Variants in SURF1 observed in about 807,000 individuals in gnomAD.
SURF1 encodes surfeit locus protein 1.
SURF1 carries 45 observed loss-of-function variants against 34.1 expected under a neutral mutation model. That is an observed-to-expected ratio of 1.32 (90% CI 1.04 to 1.69). The LOEUF is 1.69. Ranked by LOEUF, SURF1 falls within the 40% of genes most tolerant of loss-of-function variation. The pLI is 0.00. For synonymous variants in SURF1, 188 were observed against 147.5 expected (o/e 1.27, Z -1.99); for missense variants, 456 against 384.6 (o/e 1.19, Z -1.55).
Position 133,354,667 on chromosome 9 carries a change from C to T in SURF1, c.315G>A (p.Leu105=). The T allele has an allele frequency of 6.2e-7, 1 of 1,610,994 alleles. No homozygotes were observed. Among genetic ancestry groups the T allele is most frequent in the Non-Finnish European group, 8.5e-7 (1 of 1,178,222 alleles). ...ESRVLAEPVP[L]PADPMELKNL... ...GGCAGCCATGCACTCACTCGGCTGG[C>T]AGAGGGACAGGCTCAGCCAGAACTC... The change falls in exon 4 of 9, where the codon CTG becomes CTA. Residue 105 remains leucine (L), a synonymous_variant. Coordinates refer to ENST00000371974, the MANE Select transcript of SURF1 (RefSeq NM_003172.4).
In SURF1 at chr9:133,352,452, T is replaced by C. The variant is rs2130007008; in HGVS notation, c.745A>G (p.Asn249Asp). 471 of 1,614,228 alleles carry C rather than the reference T, an allele frequency of 2.9e-4. 1 individual carries two copies. The highest frequency in any genetic ancestry group is 1.8e-3 in the South Asian group (168 of 91,090). ...TGAEPIFIDA[N>D]FQSTVPGGPI... ...GGGCTGGTCCACAACGTACGGAAGTTGGCATCAATGAAGATGGGCTCTGCG... is the reference window on the plus strand; with the variant it reads ...GGGCTGGTCCACAACGTACGGAAGTCGGCATCAATGAAGATGGGCTCTGCG... Residue 249 changes from asparagine to aspartate, a missense_variant, in exon 7 of 9, where the codon AAC becomes GAC. By Grantham distance (23) the Asn-to-Asp change is conservative (BLOSUM62 1). Coordinates refer to ENST00000371974, the MANE Select transcript of SURF1 (RefSeq NM_003172.4).
At position 133,351,898 on chromosome 9, in the gene SURF1, T is replaced by C. The variant is rs1471918034; in HGVS notation, c.*15A>G. The C allele has an allele frequency of 6.2e-7, 1 of 1,612,474 alleles. No individual in the cohort carries two copies. ...TACTGCATTATCCAGGGACAGGGCT[T>C]CAGCAGCTGATCTGTCACACACCAG... On this transcript the variant is annotated 3_prime_UTR_variant, in exon 9 of 9. Coordinates refer to ENST00000371974, the MANE Select transcript of SURF1 (RefSeq NM_003172.4).
intron 7 of SURF1, 26 bp downstream of exon 7, chr9:133,352,420 C>T (rs1836448528): frequency 1.2e-6 from 2 of 1,614,146 alleles, no homozygotes; most frequent in Non-Finnish European, 8.5e-7. Flanking sequence ...GCTACTTGTT[C>T]CGAGATGGGC....
Position 133,356,430 on chromosome 9 carries a change from C to A in SURF1, c.24G>T (p.Gln8His). 7.1e-7 allele frequency: 1 copy of A among 1,410,354 alleles called. No individual in the cohort carries two copies. The highest frequency in any genetic ancestry group is 1.5e-5 in the South Asian group (1 of 67,640). 87.4% of individuals were successfully genotyped at this position (1,410,354 alleles called of 1,614,324 possible). The change falls in exon 1 of 9, where the codon CAG becomes CAT. Residue 8 changes from glutamine (Q) to histidine (H), a missense_variant. By Grantham distance (24) the Gln-to-His change is conservative. Coordinates refer to ENST00000371974, the MANE Select transcript of SURF1 (RefSeq NM_003172.4). ...CCAGCCCCGCCGCCCGCAGCCCCAG[C>A]TGCAACGCAGCCACCGCCGCCATCG... Reference protein sequence around the residue: MAAVAALQLGLRAAGLGR... With the variant: MAAVAALHLGLRAAGLGR...
intron 4 of SURF1, 97 bp downstream of exon 4, chr9:133,354,562 A>C: frequency 6.9e-7 from 1 of 1,445,894 alleles, no homozygotes. Flanking sequence ...GCAGTGACTA[A>C]AAGTCCCACC....
chr9:133,352,295 C>G, intron 7 of SURF1, 151 bp downstream of exon 7: 1 of 1,424,532 alleles, frequency 7.0e-7, no homozygotes, highest in Non-Finnish European at 9.7e-7. Flanking sequence ...CAGTACTTGC[C>G]TAGGTTCTTT....
rs1241785449 is a variant in SURF1, at chr9:133,355,051, A to G, written c.107-94T>C. On this transcript the variant is annotated intron_variant, in intron 2 of 8. Coordinates refer to ENST00000371974, the MANE Select transcript of SURF1 (RefSeq NM_003172.4). ...AAGACAGACTCCAGTACTGCCAATC[A>G]AAACCTGCTGCCTAGAGCCAACTAG... is the stretch of plus-strand genomic sequence containing the variant. 2.6e-6 allele frequency: 4 copies of G among 1,562,978 alleles called. No homozygotes were observed. In the East Asian group the frequency reaches 6.7e-5, roughly 26 times the overall value.
At chr9:133,353,445 T>C (rs1205179688) in intron 5 of SURF1, among the ~76,000 whole-genome samples, 1 of 152,198 alleles carries the variant, frequency 6.6e-6, no homozygotes, top group Non-Finnish European at 1.5e-5. Flanking sequence ...CCCTCATAGC[T>C]TGCCATCATC....
Position 133,352,694 on chromosome 9 carries a change from C to T in SURF1, c.588G>A (p.Gln196=), listed in dbSNP as rs989408796. 7.4e-6 allele frequency: 12 copies of T among 1,613,658 alleles called. No individual in the cohort carries two copies. Among genetic ancestry groups the T allele is most frequent in the Non-Finnish European group, 8.5e-6 (10 of 1,179,864 alleles). Residue 196 remains glutamine, a splice_region_variant and synonymous_variant, in exon 6 of 9, where the codon CAG becomes CAA. Coordinates refer to ENST00000371974, the MANE Select transcript of SURF1 (RefSeq NM_003172.4). ...AGTAGGAAGAGTCCATGTCCCTTAC[C>T]TGGCCTTTCTGCCGGGTTTCAGGAT... is the stretch of plus-strand genomic sequence containing the variant. The part of the protein sequence containing the change: ...KVNPETRQKG[Q]IEGEVDLIGM...
In SURF1 at chr9:133,356,402, G is replaced by A. The variant is rs1198253408; in HGVS notation, c.52C>T (p.Arg18Trp). Residue 18 changes from arginine to tryptophan, a missense_variant and splice_region_variant, in exon 1 of 9, where the codon CGG becomes TGG. Physicochemically the swap from Arg to Trp is moderately radical, Grantham distance 101. Coordinates refer to ENST00000371974, the MANE Select transcript of SURF1 (RefSeq NM_003172.4). ...CGCACCCCGCACCCGGCGCTCACCC[G>A]TCCCAGCCCCGCCGCCCGCAGCCCC... ...QLGLRAAGLG[R>W]APASAAWRSV... 4.9e-6 allele frequency: 3 copies of A among 618,344 alleles called. No homozygotes were observed. Among genetic ancestry groups the A allele is most frequent in the African/African-American group, 5.0e-5 (2 of 40,120 alleles). 38.3% of individuals were successfully genotyped at this position (618,344 alleles called of 1,614,324 possible).
intron 2 of SURF1, among the ~76,000 whole-genome samples, chr9:133,355,423 T>A (rs752083133): frequency 6.6e-6 from 1 of 151,924 alleles, no homozygotes; most frequent in Non-Finnish European, 1.5e-5. Flanking sequence ...TACAAAAAAA[T>A]GCAAAAATTA....
At position 133,356,019 on chromosome 9, in the gene SURF1, T is replaced by C. The variant is rs111324588; in HGVS notation, c.106+250A>G. 6.3e-3 allele frequency: 3,672 copies of C among 579,570 alleles called. 105 individuals are homozygous for C. The African/African-American group carries it at 0.064, about 10-fold the overall frequency. The allele number at this position is 579,570 out of a possible 1,614,324, so 35.9% of individuals were successfully genotyped here. On this transcript the variant is annotated intron_variant, in intron 2 of 8. Transcript: ENST00000371974. ...GACGTTCGGAAGTAACTCTCGAGCC[T>C]TCTCTGTAACAGGGGAACGACCAAG...
Position 133,353,870 on chromosome 9 carries a change from G to C in SURF1, c.394C>G (p.Leu132Val). ...VRGCFDHSKE[L>V]YMMPRTMVDP... ...ACCATGGTCCGGGGCATCATATACA[G>C]CTCCTTGGAATGGTCAAAGCACCCC... Residue 132 changes from leucine (L) to valine (V), a missense_variant, in exon 5 of 9, where the codon CTG (leucine) becomes GTG (valine). By Grantham distance (32) the Leu-to-Val change is conservative. Transcript: ENST00000371974. 1.2e-6 allele frequency: 2 copies of C among 1,613,892 alleles called. No homozygotes were observed. Among genetic ancestry groups the C allele is most frequent in the South Asian group, 1.1e-5 (1 of 91,082 alleles).
chr9:133,353,080 G>C (rs1248705053), intron 5 of SURF1, among the ~76,000 whole-genome samples: 1 of 152,088 alleles, frequency 6.6e-6, no homozygotes, highest in African/African-American at 2.4e-5. Context: ...CCAGAGTTTA[G>C]ACCCCACACC....
Position 133,352,786 on chromosome 9 carries a change from A to G in SURF1, c.516-20T>C, listed in dbSNP as rs2130010246. 6 of 1,603,774 alleles carry G rather than the reference A, an allele frequency of 3.7e-6. No homozygotes were observed. The East Asian group carries it at 6.7e-5, about 18-fold the overall frequency. ...GTGACTCTAGGGTAATGAAAGTGCT[A>G]CTTCAGGTGGGGAGGGTTTTTGACT... On this transcript the variant is annotated intron_variant, in intron 5 of 8. Coordinates refer to ENST00000371974, the MANE Select transcript of SURF1 (RefSeq NM_003172.4).
rs1253176847 is a variant in SURF1, at chr9:133,351,884, CCAGGGA to C, written c.*23_*28del. Reference sequence around the variant, plus strand: ...AGGCAGTCTTGAAATACTGCATTATCCAGGGACAGGGCTTCAGCAGCTGATCTGTCA... The same window carrying C: ...AGGCAGTCTTGAAATACTGCATTATCCAGGGCTTCAGCAGCTGATCTGTCA... On this transcript the variant is annotated 3_prime_UTR_variant, in exon 9 of 9. Transcript: ENST00000371974. The C allele has an allele frequency of 1.3e-5, 21 of 1,608,820 alleles. No homozygotes were observed. Among genetic ancestry groups the C allele is most frequent in the Non-Finnish European group, 1.7e-5 (20 of 1,177,004 alleles).
Position 133,351,942 on chromosome 9 carries a change from T to C in SURF1, c.874A>G (p.Lys292Glu). The change falls in exon 9 of 9, where the codon AAA (lysine) becomes GAA (glutamate). Residue 292 changes from lysine (K) to glutamate (E), a missense_variant. Physicochemically the swap from Lys to Glu is moderately conservative, Grantham distance 56. Transcript: ENST00000371974. ...ACACCAGGTGTCCCACGTAGGAATT[T>C]CTTAAACCACAGGTAGGATGTAGCT... Reference protein sequence around the residue: ...SAATSYLWFKKFLRGTPGV With the variant: ...SAATSYLWFKEFLRGTPGV 2 of 1,613,932 alleles carry C rather than the reference T, an allele frequency of 1.2e-6. No homozygotes were observed. Among genetic ancestry groups the C allele is most frequent in the South Asian group, 2.2e-5 (2 of 91,024 alleles).
At chr9:133,356,367 C>CCCCGCACCCCGCAA in intron 1 of SURF1, 33 bp downstream of exon 1, 2 of 1,243,568 alleles carry the variant, frequency 1.6e-6, no homozygotes, top group Non-Finnish European at 2.0e-6. Flanking sequence ...CCTCCCCGCG[C>CCCCGCACCCCGCAA]CCCGCACCCC....
Position 133,351,879 on chromosome 9 carries a change from A to AT in SURF1, c.*33dup. On this transcript the variant is annotated 3_prime_UTR_variant, in exon 9 of 9. Transcript: ENST00000371974. ...CATAAAGGCAGTCTTGAAATACTGC[A>AT]TTATCCAGGGACAGGGCTTCAGCAG... is the stretch of plus-strand genomic sequence containing the variant. 2 of 1,605,552 alleles carry AT rather than the reference A, an allele frequency of 1.2e-6. No homozygotes were observed. Among genetic ancestry groups the AT allele is most frequent in the Non-Finnish European group, 1.7e-6 (2 of 1,174,640 alleles).
Sources: allele counts gnomAD v4.1 joint callset (sites outside exome capture counted in the v4.1 genomes callset), GRCh38; gene constraint gnomAD v4.1.1; transcripts MANE v1.5; gene names NCBI Gene and HGNC (gene_info 2026-07-23, HGNC 2026-07-21).